SOS1: variants seen among roughly 807,000 people sequenced by gnomAD.
SOS1 encodes the protein son of sevenless homolog 1.
A neutral mutation model predicts 157.6 loss-of-function variants in SOS1; 25 were observed. That is an observed-to-expected ratio of 0.16 (90% CI 0.12 to 0.22). The LOEUF (loss-of-function observed/expected upper bound fraction) is 0.22, where lower values mean the gene tolerates loss of function less well. Among genes scored for constraint, SOS1 ranks in the 10% least tolerant of loss-of-function variants. The pLI is 1.00. For missense variants in SOS1, 1,237 were observed against 1,599.1 expected, an observed-to-expected ratio of 0.77 and a Z score of 3.86; for synonymous variants, 528 against 534.0, an observed-to-expected ratio of 0.99 and a Z score of 0.16.
At chr2:39,080,432 A>C (rs1361677702) in intron 1 of SOS1, among the ~76,000 whole-genome samples, 1 of 152,284 alleles carries the variant, frequency 6.6e-6, no homozygotes. Flanking sequence ...CAGGCCATGG[A>C]CCAGTATCAG....
At chr2:39,028,814 G>A (rs1245252818) in intron 8 of SOS1, among the ~76,000 whole-genome samples, 3 of 152,042 alleles carry the variant, frequency 2.0e-5, no homozygotes, top group Non-Finnish European at 4.4e-5. Context: ...TATATACATA[G>A]AGCTCATCAC....
At chr2:38,992,546 C>A (rs1217191197) in intron 20 of SOS1, 1 of 152,204 alleles carries the variant, frequency 6.6e-6, no homozygotes, top group Non-Finnish European at 1.5e-5. Context: ...AGAATGATTT[C>A]TTCTTCGCTG....
chr2:39,022,584 T>C lies in SOS1; in HGVS notation c.1844A>G (p.Tyr615Cys). The change falls in exon 10 of 23, where the codon TAC becomes TGC. Residue 615 changes from tyrosine to cysteine, a missense_variant. Physicochemically the swap from Tyr to Cys is radical, Grantham distance 194. Coordinates refer to ENST00000402219, the MANE Select transcript of SOS1 (RefSeq NM_005633.4). ...ATAATTCTTACCTGCGTACATATGGTACGTAAGCCTCTCTATAAGTTTAAT... is the reference window on the plus strand; with the variant it reads ...ATAATTCTTACCTGCGTACATATGGCACGTAAGCCTCTCTATAAGTTTAAT... ...TVIKLIERLT[Y>C]HMYADPNFVR... 1 of 1,612,986 alleles carries C rather than the reference T, an allele frequency of 6.2e-7. No individual in the cohort carries two copies. Among genetic ancestry groups the C allele is most frequent in the Non-Finnish European group, 8.5e-7 (1 of 1,179,066 alleles).
At chr2:39,002,500 A>C (rs556791032) in intron 17 of SOS1, among the ~76,000 whole-genome samples, 2 of 152,252 alleles carry the variant, frequency 1.3e-5, no homozygotes, top group Non-Finnish European at 2.9e-5. Context: ...TGTGTACCGG[A>C]GACCATGGGA....
chr2:39,118,342 C>T (rs1413258890), intron 1 of SOS1, among the ~76,000 whole-genome samples: 1 of 152,186 alleles, frequency 6.6e-6, no homozygotes, highest in Admixed American at 6.5e-5. Context: ...GAGATATCCA[C>T]ATGAAATGTC....
At chr2:39,107,394 G>GCTTT (rs1026240701) in intron 1 of SOS1, among the ~76,000 whole-genome samples, 4 of 152,068 alleles carry the variant, frequency 2.6e-5, no homozygotes, top group Admixed American at 2.6e-4. Context: ...TTCACTCAAA[G>GCTTT]ACTTTCTGAG....
At chr2:39,078,036 G>C (rs1672075887) in intron 1 of SOS1, among the ~76,000 whole-genome samples, 1 of 151,968 alleles carries the variant, frequency 6.6e-6, no homozygotes, top group Admixed American at 6.6e-5. Flanking sequence ...AACCTATAAA[G>C]GAAATATCCA....
intron 6 of SOS1, among the ~76,000 whole-genome samples, chr2:39,042,950 T>C (rs1426619685): frequency 2.0e-5 from 3 of 152,286 alleles, no homozygotes; most frequent in African/African-American, 4.8e-5. Flanking sequence ...GGGTTTGCTA[T>C]ATAGATAATT....
chr2:39,059,442 G>T (rs1046555421), intron 2 of SOS1, among the ~76,000 whole-genome samples: 1 of 152,078 alleles, frequency 6.6e-6, no homozygotes, highest in African/African-American at 2.4e-5. Flanking sequence ...TACTATCACA[G>T]CTGAATTTCC....
At chr2:39,056,572 C>T in intron 4 of SOS1, 130 bp downstream of exon 4, 1 of 679,594 alleles carries the variant, frequency 1.5e-6, no homozygotes, top group South Asian at 1.7e-5. Context: ...TATCTTGAAT[C>T]CCTACTATTA....
rs549749501 is a variant in SOS1 at position 39,055,265 on chromosome 2, G to A, written c.511-442C>T. Reference sequence around the variant, plus strand: ...AGGTCAAAATAAGCTATTATTTTCTGCAAGAAGTCTACTGTTACTACTCTT... The same window carrying A: ...AGGTCAAAATAAGCTATTATTTTCTACAAGAAGTCTACTGTTACTACTCTT... On this transcript the variant is annotated intron_variant, in intron 4 of 22. Transcript: ENST00000402219. Among the ~76,000 whole-genome samples the A allele has an allele frequency of 3.3e-5, 5 of 152,198 alleles. No homozygotes were observed. The South Asian group carries it at 8.3e-4, about 25-fold the overall frequency.
chr2:39,036,363 G>T (rs1397815590), intron 6 of SOS1, among the ~76,000 whole-genome samples: 1 of 151,296 alleles, frequency 6.6e-6, no homozygotes, highest in Non-Finnish European at 1.5e-5. Context: ...CTTTTTTTTT[G>T]AAACAGGATC....
chr2:39,086,468 C>T (rs141246812), intron 1 of SOS1, among the ~76,000 whole-genome samples: 17 of 152,232 alleles, frequency 1.1e-4, no homozygotes, highest in African/African-American at 3.6e-4. Flanking sequence ...TTCAGACATG[C>T]AATTAGCAAA....
chr2:39,074,286 G>A (rs1671889110), intron 1 of SOS1, among the ~76,000 whole-genome samples: 1 of 150,416 alleles, frequency 6.6e-6, no homozygotes, highest in South Asian at 2.1e-4. Context: ...GGAGGCAGAG[G>A]CTGCAGTGAG....
At chr2:39,097,559 C>CTTTTTTTTTTT (rs141309255) in intron 1 of SOS1, among the ~76,000 whole-genome samples, 1 of 143,730 alleles carries the variant, frequency 7.0e-6, no homozygotes, top group Non-Finnish European at 1.5e-5. Flanking sequence ...TCTTTTTTTT[C>CTTTTTTTTTTT]TTTTTTTTTT....
intron 1 of SOS1, among the ~76,000 whole-genome samples, chr2:39,106,008 A>G (rs1673162940): frequency 2.0e-5 from 3 of 152,226 alleles, no homozygotes; most frequent in African/African-American, 7.2e-5. Context: ...CCTGAGCTCA[A>G]GAGTTTGAGA....
At chr2:39,024,220 CATTT>C in intron 8 of SOS1, 83 bp from the exon 9 acceptor site, 1 of 1,069,762 alleles carries the variant, frequency 9.3e-7, no homozygotes, top group Non-Finnish European at 1.3e-6. Context: ...ATAAAAATAA[CATTT>C]ATTCAACTGT....
At chr2:39,116,316 T>C (rs1673648960) in intron 1 of SOS1, among the ~76,000 whole-genome samples, 1 of 152,232 alleles carries the variant, frequency 6.6e-6, no homozygotes, top group African/African-American at 2.4e-5. Flanking sequence ...CCTGTTCCAT[T>C]ACCATTCCCC....
At chr2:39,081,051 G>C (rs181630534) in intron 1 of SOS1, among the ~76,000 whole-genome samples, 135 of 151,920 alleles carry the variant, frequency 8.9e-4, no homozygotes, top group African/African-American at 3.2e-3. Flanking sequence ...AAATTAGCTG[G>C]GTTTGGGTGG....
Sources: allele counts gnomAD v4.1 joint callset (sites outside exome capture counted in the v4.1 genomes callset), GRCh38; gene constraint gnomAD v4.1.1; transcripts MANE v1.5; gene names NCBI Gene and HGNC (gene_info 2026-07-23, HGNC 2026-07-21).